DBN1: variants seen among roughly 807,000 people sequenced by gnomAD.
DBN1 encodes the protein drebrin.
A neutral mutation model predicts 83.5 loss-of-function variants in DBN1; 21 were observed. That is an observed-to-expected ratio of 0.25 (90% CI 0.18 to 0.36). The LOEUF (loss-of-function observed/expected upper bound fraction) is 0.36. DBN1 is among the 10% of genes least tolerant of loss of function. The probability of loss-of-function intolerance (pLI) is 1.00; values close to 1 mark genes in which losing one functional copy is unlikely to be tolerated. For synonymous variants in DBN1, 381 were observed against 384.9 expected (o/e 0.99, Z 0.12); for missense variants, 874 against 935.7 (o/e 0.93, Z 0.86).
Position 177,460,565 on chromosome 5 carries a change from C to G in DBN1, c.832-10G>C. On this transcript the variant is annotated splice_polypyrimidine_tract_variant and intron_variant, in intron 9 of 14. Transcript: ENST00000393565. ...TAATAGCTGCTGCCTCCTGAGGGCA[C>G]GAGGAAAAGGTTGGGGCTGGGCCAG... The G allele has an allele frequency of 1.2e-6, 2 of 1,614,130 alleles. No individual in the cohort carries two copies. Among genetic ancestry groups the G allele is most frequent in the South Asian group, 2.2e-5 (2 of 91,080 alleles).
Position 177,467,812 on chromosome 5 carries a change from G to A in DBN1, c.261C>T (p.Gly87=), listed in dbSNP as rs143396686. Residue 87 remains glycine, a synonymous_variant, in exon 4 of 15, where the codon GGC becomes GGT. Coordinates refer to ENST00000393565, the MANE Select transcript of DBN1 (RefSeq NM_001363541.2). The surrounding 1 kb of genome is among the most constrained non-coding windows in gnomAD (Gnocchi z 9.1). ...ACTTGCGGGCATCAGGCACATCTTC[G>A]CCCACCTGCAAAGTACCCAGCAAAG... ...LPKYVLINWV[G]EDVPDARKCA... is the part of the protein sequence containing the mutation. 2.1e-4 allele frequency: 321 copies of A among 1,561,490 alleles called. No individual in the cohort carries two copies. In the African/African-American group the frequency reaches 3.7e-3, roughly 18 times the overall value.
In DBN1 at chr5:177,457,772, A is replaced by T; in HGVS notation, c.1915-15T>A. 1 of 1,558,990 alleles carries T rather than the reference A, an allele frequency of 6.4e-7. No homozygotes were observed. Among genetic ancestry groups the T allele is most frequent in the South Asian group, 1.1e-5 (1 of 89,218 alleles). On this transcript the variant is annotated splice_polypyrimidine_tract_variant and intron_variant, in intron 13 of 14. Coordinates refer to ENST00000393565, the MANE Select transcript of DBN1 (RefSeq NM_001363541.2). ...CCCTCACTGGCCTGCAGGGGAAAGC[A>T]TCAGGTCACTTGGCCCCACCCAGCA...
chr5:177,458,830 A>C, intron 12 of DBN1, 123 bp from the exon 13 acceptor site: 1 of 1,127,428 alleles, frequency 8.9e-7, no homozygotes, highest in Non-Finnish European at 1.2e-6. Context: ...CTGCCCCCTT[A>C]CCCAGTGACC....
chr5:177,457,964 G>A lies in DBN1; in HGVS notation c.1914+94C>T, dbSNP rs1337415892. The A allele has an allele frequency of 5.9e-6, 9 of 1,536,658 alleles. No homozygotes were observed. In the East Asian group the frequency reaches 1.6e-4, roughly 27 times the overall value. On this transcript the variant is annotated intron_variant, in intron 13 of 14. Transcript: ENST00000393565. ...CTCAAATAATGTGGGTCACAGAGAA[G>A]GGGGTACTGGTGCAAGCATGAGGAA...
intron 8 of DBN1, among the ~76,000 whole-genome samples, chr5:177,461,423 T>C (rs931566226): frequency 4.6e-5 from 7 of 152,128 alleles, no homozygotes; most frequent in Admixed American, 2.6e-4. Context: ...ACAGCCCCCA[T>C]GCTTCTTTCG....
At position 177,467,716 on chromosome 5, in the gene DBN1, C is replaced by A. The variant is rs1187850865; in HGVS notation, c.330+27G>T. ...CAGACCCTGGTGGCTGTCCCCACCC[C>A]CAAGAGCGCTGGCCCCTGACACGCA... On this transcript the variant is annotated intron_variant, in intron 4 of 14. Transcript: ENST00000393565. This position sits in a 1 kb window ranked among gnomAD's most constrained non-coding sequence, Gnocchi z 9.1. The A allele has an allele frequency of 1.4e-5, 21 of 1,552,446 alleles. No homozygotes were observed. Among genetic ancestry groups the A allele is most frequent in the Non-Finnish European group, 1.8e-5 (21 of 1,147,800 alleles).
chr5:177,467,595 C>G lies in DBN1; in HGVS notation c.363G>C (p.Val121=), dbSNP rs2127401239. 5 of 1,570,372 alleles carry G rather than the reference C, an allele frequency of 3.2e-6. No individual in the cohort carries two copies. The highest frequency in any genetic ancestry group is 2.4e-5 in the East Asian group (1 of 42,438). The stretch of plus-strand genomic sequence containing the variant: ...CGATGGCACCCGCGTCTATGTCTTC[C>G]ACGCTGCTGGCGTTCACGATCACGT... ...GVDVIVNASS[V]EDIDAGAIGQ... is the part of the protein sequence containing the mutation. Residue 121 remains valine, a synonymous_variant, in exon 5 of 15, where the codon GTG becomes GTC. Transcript: ENST00000393565. The surrounding 1 kb of genome is among the most constrained non-coding windows in gnomAD (Gnocchi z 9.1).
chr5:177,472,973 C>T, intron 1 of DBN1: 1 of 405,218 alleles, frequency 2.5e-6, no homozygotes, highest in Non-Finnish European at 3.3e-6. Flanking sequence ...TGTGCTGTGG[C>T]CGGGCCGGGC....
At chr5:177,464,904 C>CA (rs1757323357) in intron 8 of DBN1, among the ~76,000 whole-genome samples, 1 of 152,132 alleles carries the variant, frequency 6.6e-6, no homozygotes, top group Non-Finnish European at 1.5e-5. Flanking sequence ...CCTGTAATCC[C>CA]AGCACTTTGG....
intron 8 of DBN1, chr5:177,462,168 TG>T (rs1468514957): frequency 2.5e-5 from 22 of 895,702 alleles, no homozygotes; most frequent in Admixed American, 7.1e-5. Context: ...CACCCCTGCC[TG>T]ACCTAGCCGT....
At position 177,466,606 on chromosome 5, in the gene DBN1, G is replaced by A. The variant is rs1050126670; in HGVS notation, c.771+166C>T. On this transcript the variant is annotated intron_variant, in intron 8 of 14. Transcript: ENST00000393565. The surrounding 1 kb of genome is among the most constrained non-coding windows in gnomAD (Gnocchi z 4.8). ...CCACGGCCAGAGGCCAGAGCCCCAC[G>A]TGATGAGGTGCCAGGCCTCATGCTC... 3.3e-5 allele frequency among the ~76,000 whole-genome samples: 5 copies of A among 152,294 alleles called. No individual in the cohort carries two copies. The highest frequency in any genetic ancestry group is 2.1e-4 in the South Asian group (1 of 4,832).
intron 12 of DBN1, 43 bp from the exon 13 acceptor site, chr5:177,458,750 CG>C: frequency 6.9e-7 from 1 of 1,447,506 alleles, no homozygotes; most frequent in Middle Eastern, 2.5e-4. Flanking sequence ...CGGCTCCCCT[CG>C]GGGAGGATGG....
chr5:177,462,741 C>T (rs1237248420), intron 8 of DBN1, among the ~76,000 whole-genome samples: 1 of 152,172 alleles, frequency 6.6e-6, no homozygotes, highest in Admixed American at 6.5e-5. Context: ...AAAATTTTAG[C>T]TTATGTCAGG....
chr5:177,467,159 C>T lies in DBN1; in HGVS notation c.555+96G>A, dbSNP rs1477933054. 8.1e-6 allele frequency: 13 copies of T among 1,600,742 alleles called. No individual in the cohort carries two copies. The highest frequency in any genetic ancestry group is 2.7e-5 in the African/African-American group (2 of 74,632). On this transcript the variant is annotated intron_variant, in intron 6 of 14. Coordinates refer to ENST00000393565, the MANE Select transcript of DBN1 (RefSeq NM_001363541.2). This position sits in a 1 kb window ranked among gnomAD's most constrained non-coding sequence, Gnocchi z 9.1. Reference sequence around the variant, plus strand: ...CTAACCCAGCGCTGGGGGCGGGGCACGTGGCATGGGCCATGCCACTGCAGT... The same window carrying T: ...CTAACCCAGCGCTGGGGGCGGGGCATGTGGCATGGGCCATGCCACTGCAGT...
chr5:177,457,524 A>T (rs1756596720), intron 14 of DBN1, 21 bp from the exon 15 acceptor site: 1 of 1,612,224 alleles, frequency 6.2e-7, no homozygotes, highest in African/African-American at 1.3e-5. Flanking sequence ...AGAAAGGGAG[A>T]GGAGTTAGGG....
In DBN1 at chr5:177,473,448, C is replaced by A; in HGVS notation, c.74G>T (p.Ser25Ile). The A allele has an allele frequency of 7.0e-7, 1 of 1,430,232 alleles. No individual in the cohort carries two copies. The highest frequency in any genetic ancestry group is 9.2e-7 in the Non-Finnish European group (1 of 1,084,992). 88.6% of individuals were successfully genotyped at this position (1,430,232 alleles called of 1,614,324 possible). ...AAYEEVIREE[S>I]AADWALYTYE... ...GCGGGGGGCTCACCAGTCGGCCGCG[C>A]TCTCCTCTCGGATCACCTCCTCGTA... The change falls in exon 1 of 15, where the codon AGC becomes ATC. Residue 25 changes from serine (S) to isoleucine (I), a missense_variant. Physicochemically the swap from Ser to Ile is moderately radical, Grantham distance 142. Transcript: ENST00000393565.
chr5:177,460,508 G>A lies in DBN1; in HGVS notation c.879C>T (p.Phe293=). 1 of 1,614,190 alleles carries A rather than the reference G, an allele frequency of 6.2e-7. No individual in the cohort carries two copies. Among genetic ancestry groups the A allele is most frequent in the Non-Finnish European group, 8.5e-7 (1 of 1,180,028 alleles). The part of the protein sequence containing the change: ...IAQRPDNPRE[F]FKQQERVASA... ...ATGCGACTCTTTCCTGCTGCTTGAAGAACTCCCTTGGGTTGTCAGGCCGCT... is the reference window on the plus strand; with the variant it reads ...ATGCGACTCTTTCCTGCTGCTTGAAAAACTCCCTTGGGTTGTCAGGCCGCT... The change falls in exon 10 of 15, where the codon TTC becomes TTT. Residue 293 remains phenylalanine (F), a synonymous_variant. Transcript: ENST00000393565.
At chr5:177,468,311 T>G (rs1274565250) in intron 2 of DBN1, 91 bp from the exon 3 acceptor site, 2 of 1,133,930 alleles carry the variant, frequency 1.8e-6, no homozygotes, top group African/African-American at 3.1e-5. Flanking sequence ...CCTCCAGGCC[T>G]CCACAGGCAC....
At chr5:177,471,678 T>C (rs981872036) in intron 1 of DBN1, among the ~76,000 whole-genome samples, 1 of 152,144 alleles carries the variant, frequency 6.6e-6, no homozygotes, top group Non-Finnish European at 1.5e-5. Context: ...TGAACGAATG[T>C]GTGCATGTGC....
Sources: allele counts gnomAD v4.1 joint callset (sites outside exome capture counted in the v4.1 genomes callset), GRCh38; gene constraint gnomAD v4.1.1; non-coding constraint Gnocchi (gnomAD v3.1); transcripts MANE v1.5; gene names NCBI Gene and HGNC (gene_info 2026-07-23, HGNC 2026-07-21).